Variants in TMOD2 observed in about 807,000 individuals in gnomAD.
TMOD2 encodes tropomodulin-2.
Under a neutral mutation model 39.9 loss-of-function variants are expected in TMOD2, and 22 were observed. That is an observed-to-expected ratio of 0.55 (90% confidence interval 0.39 to 0.79). TMOD2 has a LOEUF of 0.79. Among genes scored for constraint, TMOD2 ranks in the 30% least tolerant of loss-of-function variants. The pLI, the probability that TMOD2 is intolerant of heterozygous loss-of-function variation, is 0.00. For missense variants in TMOD2, 386 were observed against 413.3 expected (o/e 0.93, Z 0.57); for synonymous variants, 123 against 146.1 (o/e 0.84, Z 1.14).
chr15:51,756,250 C>T (rs775395211), intron 1 of TMOD2: 3 of 152,104 alleles, frequency 2.0e-5, no homozygotes, highest in Admixed American at 6.5e-5. Flanking sequence ...ACTATGGTGG[C>T]TTTCTACACC....
chr15:51,816,140 C>T lies in TMOD2; in HGVS notation c.*7686C>T, dbSNP rs765069593. The T allele has an allele frequency of 2.0e-5, 3 of 151,876 alleles. No homozygotes were observed. Among genetic ancestry groups the T allele is most frequent in the Non-Finnish European group, 4.4e-5 (3 of 67,970 alleles). 9.4% of individuals were successfully genotyped at this position (151,876 alleles called of 1,614,324 possible). ...AAAGTATGAAATATTATACTTTTAC[C>T]CTGGATAATTATTCAGGACCCCAGT... On this transcript the variant is annotated 3_prime_UTR_variant, in exon 10 of 10. Transcript: ENST00000249700.
chr15:51,774,256 T>C (rs946382044), intron 4 of TMOD2, among the ~76,000 whole-genome samples: 6 of 152,236 alleles, frequency 3.9e-5, no homozygotes, highest in African/African-American at 1.4e-4. Flanking sequence ...ATTAGCCTTC[T>C]AGTCTTAACA....
chr15:51,772,383 A>T (rs183601358), intron 3 of TMOD2, among the ~76,000 whole-genome samples: 1 of 152,194 alleles, frequency 6.6e-6, no homozygotes, highest in Non-Finnish European at 1.5e-5. Flanking sequence ...GGGTGTTTTG[A>T]TCATGGCTCT....
intron 5 of TMOD2, among the ~76,000 whole-genome samples, chr15:51,779,476 G>A (rs1341107360): frequency 6.6e-6 from 1 of 151,766 alleles, no homozygotes; most frequent in Non-Finnish European, 1.5e-5. Context: ...TGCCTCCCGG[G>A]TTCATGCCAT....
At chr15:51,786,765 T>C (rs1196534609) in intron 7 of TMOD2, among the ~76,000 whole-genome samples, 1 of 152,232 alleles carries the variant, frequency 6.6e-6, no homozygotes, top group Non-Finnish European at 1.5e-5. Flanking sequence ...GGCCCAAATA[T>C]ATTTAAAATG....
intron 7 of TMOD2, among the ~76,000 whole-genome samples, chr15:51,789,312 A>G (rs2055993108): frequency 6.6e-6 from 1 of 152,262 alleles, no homozygotes; most frequent in South Asian, 2.1e-4. Flanking sequence ...AGAGCTAACT[A>G]TGCTAAATAT....
At chr15:51,771,479 T>C (rs1175269088) in intron 3 of TMOD2, among the ~76,000 whole-genome samples, 1 of 152,234 alleles carries the variant, frequency 6.6e-6, no homozygotes, top group African/African-American at 2.4e-5. Context: ...AATAGTTGTG[T>C]ACTTCGTGTT....
At chr15:51,775,670 G>T (rs8027721) in intron 4 of TMOD2, among the ~76,000 whole-genome samples, 5 of 146,718 alleles carry the variant, frequency 3.4e-5, no homozygotes, top group Admixed American at 2.7e-4. Flanking sequence ...CTCCACCTCC[G>T]GAGTTCAAGC....
At chr15:51,754,101 C>CTCAA (rs2055726225) in intron 1 of TMOD2, among the ~76,000 whole-genome samples, 1 of 152,060 alleles carries the variant, frequency 6.6e-6, no homozygotes, top group Admixed American at 6.6e-5. Context: ...CTTGGCTACT[C>CTCAA]TCAATCATTT....
chr15:51,772,731 T>G (rs1349526705), intron 3 of TMOD2, among the ~76,000 whole-genome samples: 1 of 152,102 alleles, frequency 6.6e-6, no homozygotes, highest in African/African-American at 2.4e-5. Flanking sequence ...GAGAGGTGGC[T>G]ATGTCCCCAG....
At chr15:51,773,281 G>A (rs2055865342) in intron 3 of TMOD2, among the ~76,000 whole-genome samples, 1 of 152,204 alleles carries the variant, frequency 6.6e-6, no homozygotes, top group Non-Finnish European at 1.5e-5. Context: ...GGTATAGAAA[G>A]TGGCCTATAT....
rs112907772 is a variant in TMOD2 at position 51,778,980 on chromosome 15, A to G, written c.493+1962A>G. 9.2e-3 allele frequency among the ~76,000 whole-genome samples: 1,406 copies of G among 152,256 alleles called. 16 individuals are homozygous for G. The highest frequency in any genetic ancestry group is 0.019 in the African/African-American group (770 of 41,550). ...AATATTCCTTTTATTTTTTTGAGAT[A>G]GAGGCTTGCTCTGTTGCCCAGGCTG... is the stretch of plus-strand genomic sequence containing the variant. On this transcript the variant is annotated intron_variant, in intron 5 of 9. Transcript: ENST00000249700.
chr15:51,789,182 A>C (rs2055991975), intron 7 of TMOD2, among the ~76,000 whole-genome samples: 1 of 152,224 alleles, frequency 6.6e-6, no homozygotes, highest in African/African-American at 2.4e-5. Context: ...AAGCAAATGG[A>C]AAGTAAAAAA....
chr15:51,783,032 A>T, intron 7 of TMOD2: 2 of 551,346 alleles, frequency 3.6e-6, no homozygotes, highest in South Asian at 4.3e-5. Context: ...TTTTGTCAGC[A>T]TTACAGTTTT....
At chr15:51,783,121 T>A (rs1204829515) in intron 7 of TMOD2, 1 of 330,930 alleles carries the variant, frequency 3.0e-6, no homozygotes, top group Non-Finnish European at 5.7e-6. Context: ...ATACATTTTC[T>A]AAAACTTTCA....
intron 1 of TMOD2, among the ~76,000 whole-genome samples, chr15:51,753,443 A>C (rs985555033): frequency 1.1e-4 from 16 of 152,174 alleles, no homozygotes; most frequent in African/African-American, 3.6e-4. Context: ...TCCTGCAAAA[A>C]GACTTGGCGA....
chr15:51,782,917 G>T, intron 7 of TMOD2, 89 bp downstream of exon 7: 5 of 1,299,980 alleles, frequency 3.8e-6, no homozygotes, highest in Non-Finnish European at 5.4e-6. Flanking sequence ...CAATTTTTTA[G>T]ATCTGGAAAA....
intron 5 of TMOD2, among the ~76,000 whole-genome samples, chr15:51,778,325 G>A (rs2055903291): frequency 8.4e-6 from 1 of 119,522 alleles, no homozygotes; most frequent in South Asian, 3.1e-4. Flanking sequence ...ATCACACTCT[G>A]GGGACTGTTG....
intron 3 of TMOD2, 72 bp from the exon 4 acceptor site, chr15:51,773,640 C>T: frequency 6.8e-7 from 1 of 1,470,558 alleles, no homozygotes; most frequent in Non-Finnish European, 9.1e-7. Flanking sequence ...GAACTGCATT[C>T]TCTGCTCAGT....
Sources: gnomAD v4.1 joint callset for allele counts (sites outside exome capture counted in the v4.1 genomes callset) on GRCh38, gnomAD v4.1.1 for gene constraint, MANE v1.5 for transcripts, NCBI Gene and HGNC (gene_info 2026-07-23, HGNC 2026-07-21) for gene names.